Variants in TMC2 observed in about 807,000 individuals in gnomAD.
The protein encoded by TMC2 is transmembrane channel like 2, also known as transmembrane channel-like protein 2.
TMC2 carries 102 observed loss-of-function variants against 105.9 expected under a neutral mutation model. The observed-to-expected ratio is 0.96, with a 90% CI of 0.82 to 1.14. The LOEUF (loss-of-function observed/expected upper bound fraction) is 1.14. Among genes scored for constraint, TMC2 ranks in the 50% most tolerant of loss-of-function variants. The probability of loss-of-function intolerance (pLI) is 0.00; values close to 1 mark genes in which losing one functional copy is unlikely to be tolerated. For synonymous variants in TMC2, 402 were observed against 422.8 expected, an observed-to-expected ratio of 0.95 and a Z score of 0.60; for missense variants, 1,093 against 1,134.3, an observed-to-expected ratio of 0.96 and a Z score of 0.52.
chr20:2,643,438 A>G lies in TMC2; in HGVS notation c.*2087A>G, dbSNP rs1600148458. On this transcript the variant is annotated 3_prime_UTR_variant, in exon 20 of 20. Transcript: ENST00000358864. ...CCACTGGTTACTAATACACATAAAT[A>G]CCCACCACAAACACAAACCAACCAT... is the stretch of plus-strand genomic sequence containing the variant. 1.3e-5 allele frequency among the ~76,000 whole-genome samples: 2 copies of G among 152,170 alleles called. No homozygotes were observed. Among genetic ancestry groups the G allele is most frequent in the South Asian group, 2.1e-4 (1 of 4,828 alleles).
At chr20:2,563,991 G>A (rs978805638) in intron 4 of TMC2, among the ~76,000 whole-genome samples, 12 of 152,000 alleles carry the variant, frequency 7.9e-5, no homozygotes, top group African/African-American at 2.7e-4. Flanking sequence ...GCTTCCCCAA[G>A]TATTGTGATT....
At chr20:2,551,976 G>C (rs139271072) in intron 2 of TMC2, among the ~76,000 whole-genome samples, 31 of 152,262 alleles carry the variant, frequency 2.0e-4, no homozygotes, top group Non-Finnish European at 4.0e-4. Flanking sequence ...TTTAGAATCA[G>C]GGCTGGGTGC....
At chr20:2,586,664 C>CT (rs2146205410) in intron 7 of TMC2, among the ~76,000 whole-genome samples, 1 of 152,244 alleles carries the variant, frequency 6.6e-6, no homozygotes, top group Admixed American at 6.5e-5. Flanking sequence ...TGAGAACTCA[C>CT]TTATCACCAA....
intron 5 of TMC2, among the ~76,000 whole-genome samples, chr20:2,575,902 C>T (rs2086141099): frequency 6.6e-6 from 1 of 152,066 alleles, no homozygotes; most frequent in Admixed American, 6.6e-5. Context: ...TCCTTGTAAT[C>T]CTTCCATATC....
At chr20:2,549,839 G>T (rs1294857534) in intron 2 of TMC2, among the ~76,000 whole-genome samples, 2 of 152,136 alleles carry the variant, frequency 1.3e-5, no homozygotes, top group African/African-American at 4.8e-5. Context: ...TTTAAAAACA[G>T]ACTTCATTTT....
intron 4 of TMC2, among the ~76,000 whole-genome samples, chr20:2,569,634 T>C (rs1296019257): frequency 6.6e-6 from 1 of 152,236 alleles, no homozygotes; most frequent in East Asian, 1.9e-4. Context: ...TTTATATTGC[T>C]ATTGCAACAA....
At chr20:2,568,783 T>C (rs991732462) in intron 4 of TMC2, among the ~76,000 whole-genome samples, 173 of 152,258 alleles carry the variant, frequency 1.1e-3, no homozygotes, top group African/African-American at 4.0e-3. Context: ...GAAGATCCCA[T>C]TGAGGAGGAC....
chr20:2,619,840 G>T (rs74999196), intron 16 of TMC2, among the ~76,000 whole-genome samples: 3 of 152,154 alleles, frequency 2.0e-5, no homozygotes, highest in African/African-American at 7.2e-5. Flanking sequence ...ATCTGTCACT[G>T]GGTAGGAGGT....
At position 2,637,473 on chromosome 20, in the gene TMC2, GC is replaced by G; in HGVS notation, c.2386del (p.Leu796SerfsTer11). On this transcript the variant is annotated frameshift_variant and splice_region_variant, in exon 19 of 20. Transcript: ENST00000358864. LOFTEE classifies it high-confidence loss of function. Reference protein sequence around the residue: ...NAQLRKKIQVLREVEKSHKSV... With the variant: ...NAQLRKKIQVXREVEKSHKSV... ...GACCAACAGTTCATTATTTCCTGCA[GC>G]TCCGTGAAGTTGAGAAGAGTCACAA... The G allele has an allele frequency of 6.2e-7, 1 of 1,603,154 alleles. No homozygotes were observed. Among genetic ancestry groups the G allele is most frequent in the Non-Finnish European group, 8.5e-7 (1 of 1,170,664 alleles).
intron 4 of TMC2, among the ~76,000 whole-genome samples, chr20:2,564,727 G>A (rs2086052414): frequency 1.3e-5 from 2 of 152,178 alleles, no homozygotes; most frequent in Admixed American, 6.5e-5. Flanking sequence ...TGCCTCTGAG[G>A]GGCAGAGTTC....
At position 2,558,988 on chromosome 20, in the gene TMC2, G is replaced by A. The variant is rs1030688710; in HGVS notation, c.401+214G>A. Among the ~76,000 whole-genome samples the A allele has an allele frequency of 6.6e-6, 1 of 152,134 alleles. No individual in the cohort carries two copies. Among genetic ancestry groups the A allele is most frequent in the African/African-American group, 2.4e-5 (1 of 41,440 alleles). ...CGGGATGAAGATCGCGGGTCCGCGC[G>A]GGGGAGTGGCCGCGGGCTCTCCACT... On this transcript the variant is annotated intron_variant, in intron 3 of 19. Coordinates refer to ENST00000358864, the MANE Select transcript of TMC2 (RefSeq NM_080751.3). The surrounding 1 kb of genome is among the most constrained non-coding windows in gnomAD (Gnocchi z 4.6).
At chr20:2,550,357 A>T (rs1600096651) in intron 2 of TMC2, among the ~76,000 whole-genome samples, 1 of 152,284 alleles carries the variant, frequency 6.6e-6, no homozygotes, top group East Asian at 1.9e-4. Flanking sequence ...TCAAAAAAAT[A>T]AAAATTAAAA....
chr20:2,616,142 A>G lies in TMC2; in HGVS notation c.1878A>G (p.Ser626=), dbSNP rs1360337753. 6.2e-6 allele frequency: 10 copies of G among 1,611,900 alleles called. No individual in the cohort carries two copies. The highest frequency in any genetic ancestry group is 7.6e-6 in the Non-Finnish European group (9 of 1,178,806). ...CTCCCTCCCTCCCTCTCTAGCCTTC[A>G]TATGCTGAGTTTGATATTAGTGGAA... ...WCWDLEAGFP[S]YAEFDISGNV... The change falls in exon 15 of 20, where the codon TCA becomes TCG. Residue 626 remains serine, a synonymous_variant. Coordinates refer to ENST00000358864, the MANE Select transcript of TMC2 (RefSeq NM_080751.3). This position sits in a 1 kb window ranked among gnomAD's most constrained non-coding sequence, Gnocchi z 4.8.
At chr20:2,622,394 G>A (rs1022458564) in intron 16 of TMC2, among the ~76,000 whole-genome samples, 8 of 152,158 alleles carry the variant, frequency 5.3e-5, no homozygotes, top group South Asian at 2.1e-4. Context: ...CAGACTAGGC[G>A]CAGTGGCTCA....
Position 2,637,483 on chromosome 20 carries a change from G to A in TMC2, c.2395G>A (p.Val799Ile), listed in dbSNP as rs775207913. 1.2e-6 allele frequency: 2 copies of A among 1,612,376 alleles called. No homozygotes were observed. The highest frequency in any genetic ancestry group is 1.3e-5 in the African/African-American group (1 of 74,916). Residue 799 changes from valine (V) to isoleucine (I), a missense_variant, in exon 19 of 20, where the codon GTT becomes ATT. By Grantham distance (29) the Val-to-Ile change is conservative. Coordinates refer to ENST00000358864, the MANE Select transcript of TMC2 (RefSeq NM_080751.3). Reference protein sequence around the residue: ...LRKKIQVLREVEKSHKSVKGK... With the variant: ...LRKKIQVLREIEKSHKSVKGK... ...TCATTATTTCCTGCAGCTCCGTGAA[G>A]TTGAGAAGAGTCACAAATCTGTAAA... is the stretch of plus-strand genomic sequence containing the variant.
chr20:2,613,432 C>A, intron 14 of TMC2, 110 bp downstream of exon 14: 1 of 1,479,018 alleles, frequency 6.8e-7, no homozygotes, highest in Non-Finnish European at 9.4e-7. Context: ...AGCTTAATGA[C>A]GGTCTCTGCT....
chr20:2,565,729 A>C (rs547319361), intron 4 of TMC2, among the ~76,000 whole-genome samples: 1 of 152,232 alleles, frequency 6.6e-6, no homozygotes, highest in South Asian at 2.1e-4. Context: ...GAGCATGGTT[A>C]CTGTAGACTA....
chr20:2,572,375 C>A, intron 5 of TMC2, 106 bp downstream of exon 5: 1 of 827,400 alleles, frequency 1.2e-6, no homozygotes, highest in African/African-American at 1.7e-5. Flanking sequence ...GTCCAGCTGC[C>A]CCCAGAATCC....
chr20:2,635,871 C>A lies in TMC2; in HGVS notation c.2307-55C>A, dbSNP rs183491030. On this transcript the variant is annotated intron_variant, in intron 17 of 19. Transcript: ENST00000358864. ...CTGATTCCCCAAGAAAGGCGCCCAG[C>A]TCCTATCATCTGCCAAGATCACGGG... is the stretch of plus-strand genomic sequence containing the variant. 179 of 1,445,044 alleles carry A rather than the reference C, an allele frequency of 1.2e-4. 1 individual carries two copies. The Middle Eastern group carries it at 3.1e-3, about 25-fold the overall frequency. 89.5% of individuals were successfully genotyped at this position (1,445,044 alleles called of 1,614,324 possible).
Sources: gnomAD v4.1 joint callset for allele counts (sites outside exome capture counted in the v4.1 genomes callset) on GRCh38, gnomAD v4.1.1 for gene constraint, Gnocchi (gnomAD v3.1) non-coding constraint, MANE v1.5 for transcripts, NCBI Gene and HGNC (gene_info 2026-07-23, HGNC 2026-07-21) for gene names.